The following FNDC3B variants were observed in gnomAD, a reference collection of about 807,000 sequenced individuals.
FNDC3B encodes fibronectin type III domain-containing protein 3B.
A neutral mutation model predicts 151.5 loss-of-function variants in FNDC3B; 12 were observed. The ratio of observed to expected loss-of-function variants is 0.08; its 90% CI spans 0.05 to 0.13. The LOEUF is 0.13. Among genes scored for constraint, FNDC3B ranks in the 10% least tolerant of loss-of-function variants. The pLI, the probability that FNDC3B is intolerant of heterozygous loss-of-function variation, is 1.00. For synonymous variants in FNDC3B, 528 were observed against 549.0 expected (o/e 0.96, Z 0.54); for missense variants, 1,214 against 1,505.3 (o/e 0.81, Z 3.20).
At chr3:172,095,795 ACAAAC>A (rs1719063705) in intron 1 of FNDC3B, among the ~76,000 whole-genome samples, 1 of 17,404 alleles carries the variant, frequency 5.7e-5, no homozygotes, top group Non-Finnish European at 1.1e-4. Flanking sequence ...TGTTAAAAAA[ACAAAC>A]AAACAAACAA....
chr3:172,324,587 G>T (rs1329862784), intron 11 of FNDC3B, among the ~76,000 whole-genome samples: 1 of 152,212 alleles, frequency 6.6e-6, no homozygotes, highest in Non-Finnish European at 1.5e-5. Flanking sequence ...CCTTGCCCTT[G>T]AATGAACTTG....
chr3:172,338,927 C>T (rs1266343349), intron 16 of FNDC3B, among the ~76,000 whole-genome samples: 3 of 151,790 alleles, frequency 2.0e-5, no homozygotes, highest in Admixed American at 6.6e-5. Flanking sequence ...TTAGTAGAGA[C>T]GGGGTTTCAC....
rs536685743 is a variant in FNDC3B, at chr3:172,251,861, G to GA, written c.790+323dup. Reference sequence around the variant, plus strand: ...ACTCTCTGAATAGACAGATGTGGAAGAAATCCAAAGATAATTTTTCTAAAA... The same window carrying GA: ...ACTCTCTGAATAGACAGATGTGGAAGAAAATCCAAAGATAATTTTTCTAAAA... On this transcript the variant is annotated intron_variant, in intron 6 of 25. Transcript: ENST00000415807. Among the ~76,000 whole-genome samples, 15 of 152,268 alleles carry GA rather than the reference G, an allele frequency of 9.9e-5. No homozygotes were observed. In the South Asian group the frequency reaches 3.1e-3, roughly 32 times the overall value.
intron 22 of FNDC3B, among the ~76,000 whole-genome samples, 184 bp downstream of exon 22, chr3:172,353,267 A>T (rs1733944005): frequency 6.6e-6 from 1 of 152,206 alleles, no homozygotes; most frequent in South Asian, 2.1e-4. Context: ...ACACTGGTTC[A>T]GGGACTCACT....
chr3:172,266,680 C>T (rs1254416050), intron 6 of FNDC3B, among the ~76,000 whole-genome samples: 1 of 152,194 alleles, frequency 6.6e-6, no homozygotes, highest in Non-Finnish European at 1.5e-5. Flanking sequence ...AGCCACATCA[C>T]TCCAGCTTCA....
At position 172,253,219 on chromosome 3, in the gene FNDC3B, G is replaced by A. The variant is rs1225613734; in HGVS notation, c.790+1678G>A. Among the ~76,000 whole-genome samples, 6 of 152,296 alleles carry A rather than the reference G, an allele frequency of 3.9e-5. No homozygotes were observed. In the East Asian group the frequency reaches 1.2e-3, roughly 29 times the overall value. ...ACACAAAGAAGCAGATAAAATAAAT[G>A]TAAGCATTAAGGAGCCGAAAGATGA... On this transcript the variant is annotated intron_variant, in intron 6 of 25. Transcript: ENST00000415807.
intron 22 of FNDC3B, among the ~76,000 whole-genome samples, 188 bp from the exon 23 acceptor site, chr3:172,362,445 A>G (rs563413130): frequency 6.6e-6 from 1 of 152,092 alleles, no homozygotes; most frequent in Non-Finnish European, 1.5e-5. Context: ...TTTTAAATGG[A>G]GACTATAGTC....
intron 1 of FNDC3B, among the ~76,000 whole-genome samples, chr3:172,096,961 C>T (rs1036910711): frequency 6.6e-6 from 1 of 152,194 alleles, no homozygotes; most frequent in Non-Finnish European, 1.5e-5. Context: ...GGCTTGCCAG[C>T]TCCTAAGGAA....
chr3:172,117,516 T>G (rs1480389192), intron 2 of FNDC3B, among the ~76,000 whole-genome samples: 2 of 152,224 alleles, frequency 1.3e-5, no homozygotes, highest in Non-Finnish European at 2.9e-5. Flanking sequence ...TAATAATTTC[T>G]GAAGAATTAT....
At chr3:172,316,113 T>G (rs1011107221) in intron 11 of FNDC3B, among the ~76,000 whole-genome samples, 11 of 149,796 alleles carry the variant, frequency 7.3e-5, no homozygotes, top group African/African-American at 2.7e-4. Context: ...GTTCAAGCGA[T>G]TCCCCTGCCT....
intron 2 of FNDC3B, among the ~76,000 whole-genome samples, chr3:172,132,613 G>T (rs1721161232): frequency 6.6e-6 from 1 of 152,078 alleles, no homozygotes; most frequent in Non-Finnish European, 1.5e-5. Flanking sequence ...ACCCAGGTTG[G>T]TCTTGAACTC....
At chr3:172,304,492 T>C (rs928900992) in intron 9 of FNDC3B, among the ~76,000 whole-genome samples, 2 of 152,218 alleles carry the variant, frequency 1.3e-5, no homozygotes, top group African/African-American at 4.8e-5. Flanking sequence ...GCAGTCTCAG[T>C]GCTGTGGAGA....
chr3:172,194,112 T>C (rs1032657305), intron 3 of FNDC3B, among the ~76,000 whole-genome samples: 9 of 151,860 alleles, frequency 5.9e-5, no homozygotes, highest in African/African-American at 9.7e-5. Context: ...CCCAGCTACT[T>C]GGGAGGCTGA....
intron 1 of FNDC3B, among the ~76,000 whole-genome samples, chr3:172,082,949 C>T (rs757990994): frequency 7.2e-5 from 11 of 152,042 alleles, no homozygotes; most frequent in East Asian, 3.9e-4. Flanking sequence ...GTATGAAGTA[C>T]GATATTTCAT....
intron 6 of FNDC3B, among the ~76,000 whole-genome samples, chr3:172,271,634 C>T (rs1477638295): frequency 6.6e-6 from 1 of 152,132 alleles, no homozygotes; most frequent in African/African-American, 2.4e-5. Context: ...CTACTCATTC[C>T]CACTTGGCTC....
intron 6 of FNDC3B, among the ~76,000 whole-genome samples, chr3:172,257,569 T>TACACAC (rs10582558): frequency 0.02 from 2,908 of 143,848 alleles, 40 homozygotes; most frequent in Non-Finnish European, 0.03. Flanking sequence ...CACGCATTCA[T>TACACAC]ACACACACAC....
intron 3 of FNDC3B, among the ~76,000 whole-genome samples, chr3:172,213,821 A>G (rs1725844259): frequency 6.6e-6 from 1 of 152,238 alleles, no homozygotes; most frequent in Non-Finnish European, 1.5e-5. Flanking sequence ...GATAAACAGC[A>G]GTGAATCAGT....
chr3:172,267,241 G>A (rs888827888), intron 6 of FNDC3B, among the ~76,000 whole-genome samples: 3 of 150,494 alleles, frequency 2.0e-5, no homozygotes, highest in Admixed American at 6.6e-5. Flanking sequence ...CTGCAGCCTC[G>A]ACCTCCCTGG....
At chr3:172,308,229 C>T (rs4615104) in intron 10 of FNDC3B, among the ~76,000 whole-genome samples, 26,739 of 152,004 alleles carry the variant, frequency 0.18, 2,445 homozygotes, top group South Asian at 0.29. Flanking sequence ...TTTCATGAAA[C>T]ACAATTCACT....
Sources: gnomAD v4.1 joint callset for allele counts (sites outside exome capture counted in the v4.1 genomes callset) on GRCh38, gnomAD v4.1.1 for gene constraint, MANE v1.5 for transcripts, NCBI Gene and HGNC (gene_info 2026-07-23, HGNC 2026-07-21) for gene names.